EIF3H: variants seen among roughly 807,000 people sequenced by gnomAD.
The protein encoded by EIF3H is eukaryotic translation initiation factor 3 subunit H.
Under a neutral mutation model 44.2 loss-of-function variants are expected in EIF3H, and 26 were observed. The observed-to-expected ratio is 0.59, with a 90% CI of 0.43 to 0.82. The LOEUF is 0.82. Among genes scored for constraint, EIF3H ranks in the 40% least tolerant of loss-of-function variants. The pLI is 0.00. For synonymous variants in EIF3H, 166 were observed against 151.9 expected (o/e 1.09, Z -0.68); for missense variants, 359 against 432.8 (o/e 0.83, Z 1.51).
intron 2 of EIF3H, among the ~76,000 whole-genome samples, chr8:116,663,930 CAA>C (rs779193805): frequency 7.9e-5 from 6 of 76,190 alleles, no homozygotes; most frequent in African/African-American, 1.5e-4. Context: ...GACTCAGTCT[CAA>C]AAAAAAAAAA....
intron 1 of EIF3H, among the ~76,000 whole-genome samples, chr8:116,735,693 C>T (rs550408955): frequency 9.5e-4 from 144 of 151,996 alleles, no homozygotes; most frequent in Non-Finnish European, 1.5e-3. Flanking sequence ...GCAAATAGGT[C>T]GTCTTGGCCC....
At chr8:116,691,193 T>C (rs1400525898) in intron 2 of EIF3H, among the ~76,000 whole-genome samples, 1 of 152,224 alleles carries the variant, frequency 6.6e-6, no homozygotes, top group Non-Finnish European at 1.5e-5. Context: ...TTACCATTCA[T>C]AAATAACAAT....
At chr8:116,652,617 G>A (rs767717399) in intron 5 of EIF3H, among the ~76,000 whole-genome samples, 4 of 152,146 alleles carry the variant, frequency 2.6e-5, no homozygotes, top group Non-Finnish European at 2.9e-5. Context: ...GTTTACGTAC[G>A]TAGATAGAGT....
upstream of EIF3H, among the ~76,000 whole-genome samples, chr8:116,758,871 A>G (rs1348728568): frequency 6.6e-6 from 1 of 152,254 alleles, no homozygotes; most frequent in African/African-American, 2.4e-5. Context: ...GCACAGATAC[A>G]TCAGTGCTGA....
chr8:116,662,146 T>C (rs1186184123), intron 2 of EIF3H, among the ~76,000 whole-genome samples: 2 of 152,212 alleles, frequency 1.3e-5, no homozygotes, highest in East Asian at 3.8e-4. Flanking sequence ...TTTAAAAATA[T>C]ACAATGCACT....
chr8:116,696,769 A>T (rs891360022), intron 2 of EIF3H, among the ~76,000 whole-genome samples: 3 of 152,150 alleles, frequency 2.0e-5, no homozygotes, highest in African/African-American at 7.2e-5. Context: ...TCCCTGTATC[A>T]TGCTTAGTCT....
intron 1 of EIF3H, among the ~76,000 whole-genome samples, chr8:116,762,225 T>C (rs974597812): frequency 3.9e-5 from 6 of 152,242 alleles, no homozygotes; most frequent in Non-Finnish European, 7.3e-5. Context: ...TCCTCTATCA[T>C]TTAGCATTGA....
At chr8:116,646,666 C>T (rs1397273957) in intron 6 of EIF3H, 63 bp from the exon 7 acceptor site, 1 of 1,590,304 alleles carries the variant, frequency 6.3e-7, no homozygotes, top group Non-Finnish European at 8.6e-7. Flanking sequence ...AAAAAGATGT[C>T]CTTCCCCTAC....
At chr8:116,700,404 C>A (rs117827709) in intron 2 of EIF3H, among the ~76,000 whole-genome samples, 1 of 151,940 alleles carries the variant, frequency 6.6e-6, no homozygotes, top group East Asian at 1.9e-4. Context: ...AGATTTTTTT[C>A]TTTTCTTTTC....
intron 2 of EIF3H, among the ~76,000 whole-genome samples, chr8:116,714,621 AT>A (rs1814631111): frequency 6.6e-6 from 1 of 151,944 alleles, no homozygotes; most frequent in Non-Finnish European, 1.5e-5. Context: ...TAAACATGCT[AT>A]TTTTCTGCAG....
chr8:116,679,016 A>G (rs1332807680), intron 2 of EIF3H, among the ~76,000 whole-genome samples: 2 of 65,382 alleles, frequency 3.1e-5, no homozygotes, highest in Non-Finnish European at 4.5e-5. Flanking sequence ...CCGCCCGGCC[A>G]GCCGCCCAGT....
At chr8:116,648,043 T>C (rs890250488) in intron 6 of EIF3H, among the ~76,000 whole-genome samples, 2 of 152,198 alleles carry the variant, frequency 1.3e-5, no homozygotes, top group Non-Finnish European at 2.9e-5. Context: ...AAAATTTAAA[T>C]ACAACATTCT....
chr8:116,695,507 G>A (rs1814255029), intron 2 of EIF3H, among the ~76,000 whole-genome samples: 1 of 152,194 alleles, frequency 6.6e-6, no homozygotes, highest in Admixed American at 6.5e-5. Flanking sequence ...GGGTATCAAA[G>A]TAGGAGGCCT....
intron 2 of EIF3H, among the ~76,000 whole-genome samples, chr8:116,679,801 G>A (rs1813936737): frequency 5.9e-5 from 1 of 17,030 alleles, no homozygotes; most frequent in South Asian, 2.7e-3. Flanking sequence ...CCCCATCCGG[G>A]AGGGAGGTGG....
intron 2 of EIF3H, among the ~76,000 whole-genome samples, chr8:116,698,588 T>C (rs1234854869): frequency 6.6e-6 from 1 of 152,246 alleles, no homozygotes; most frequent in African/African-American, 2.4e-5. Context: ...ATACATGTTA[T>C]GCTGTAGATA....
intron 1 of EIF3H, among the ~76,000 whole-genome samples, chr8:116,732,132 C>T (rs1814960092): frequency 6.6e-6 from 1 of 152,034 alleles, no homozygotes; most frequent in Non-Finnish European, 1.5e-5. Context: ...TACTATTGTT[C>T]ATTATTCAGT....
intron 2 of EIF3H, among the ~76,000 whole-genome samples, chr8:116,711,227 G>C (rs1586469771): frequency 6.6e-6 from 1 of 152,210 alleles, no homozygotes; most frequent in Non-Finnish European, 1.5e-5. Context: ...GGGCAGGGAG[G>C]CAAACCAGAT....
chr8:116,667,003 A>G (rs972192674), intron 2 of EIF3H, among the ~76,000 whole-genome samples: 5 of 152,214 alleles, frequency 3.3e-5, no homozygotes, highest in Non-Finnish European at 4.4e-5. Context: ...CCCCATTCAC[A>G]AAGGACTTGA....
intron 2 of EIF3H, among the ~76,000 whole-genome samples, chr8:116,695,166 C>T (rs577870616): frequency 6.7e-6 from 1 of 150,084 alleles, no homozygotes; most frequent in East Asian, 2.0e-4. Context: ...CCACCATGTT[C>T]AACCAATTCT....
Sources: gnomAD v4.1 joint callset for allele counts (sites outside exome capture counted in the v4.1 genomes callset) on GRCh38, gnomAD v4.1.1 for gene constraint, MANE v1.5 for transcripts, NCBI Gene and HGNC (gene_info 2026-07-23, HGNC 2026-07-21) for gene names.